Variants in LMO7 observed in about 807,000 individuals in gnomAD.
LMO7 encodes LIM domain only protein 7.
In LMO7, 120 loss-of-function variants were observed where a neutral mutation model predicts 206.5. The observed-to-expected ratio is 0.58, with a 90% CI of 0.50 to 0.68. The LOEUF (loss-of-function observed/expected upper bound fraction) is 0.68, where lower values mean the gene tolerates loss of function less well. LMO7 is among the 30% of genes least tolerant of loss of function. The pLI is 0.00. For missense variants in LMO7, 1,959 were observed against 1,957.9 expected, an observed-to-expected ratio of 1.00 and a Z score of -0.01; for synonymous variants, 706 against 681.5, an observed-to-expected ratio of 1.04 and a Z score of -0.56.
At chr13:75,776,538 T>A (rs1031166237) in intron 4 of LMO7, among the ~76,000 whole-genome samples, 5 of 152,146 alleles carry the variant, frequency 3.3e-5, no homozygotes, top group Admixed American at 2.0e-4. Context: ...ACATACCCAT[T>A]TTTTGCTACC....
At chr13:75,734,635 T>C (rs958220588) in intron 3 of LMO7, among the ~76,000 whole-genome samples, 5 of 152,218 alleles carry the variant, frequency 3.3e-5, no homozygotes, top group Admixed American at 1.3e-4. Context: ...TCAGAAAATA[T>C]CTGTCTAGGA....
At chr13:75,667,698 G>C (rs376934199) in intron 1 of LMO7, among the ~76,000 whole-genome samples, 2 of 152,118 alleles carry the variant, frequency 1.3e-5, no homozygotes, top group African/African-American at 4.8e-5. Flanking sequence ...CTAGATATTG[G>C]AATGATAGCT....
intron 3 of LMO7, among the ~76,000 whole-genome samples, chr13:75,734,216 A>G (rs1393039156): frequency 6.6e-6 from 1 of 152,182 alleles, no homozygotes; most frequent in Non-Finnish European, 1.5e-5. Flanking sequence ...AATATACCCC[A>G]CACTGTCCCA....
At chr13:75,663,440 T>TTCTTTCTTTC (rs1278909497) in intron 1 of LMO7, among the ~76,000 whole-genome samples, 28 of 56,462 alleles carry the variant, frequency 5.0e-4, no homozygotes, top group African/African-American at 9.5e-4. Flanking sequence ...TTCTTTTTTT[T>TTCTTTCTTTC]TTTTTTTTGA....
intron 3 of LMO7, among the ~76,000 whole-genome samples, chr13:75,730,187 A>G (rs902562925): frequency 6.6e-6 from 1 of 152,146 alleles, no homozygotes; most frequent in African/African-American, 2.4e-5. Context: ...TGATTGGAAT[A>G]GTTTCAGAAG....
Position 75,727,082 on chromosome 13 carries a change from C to A in LMO7, c.194C>A (p.Thr65Lys). 2 of 1,582,026 alleles carry A rather than the reference C, an allele frequency of 1.3e-6. No homozygotes were observed. Among genetic ancestry groups the A allele is most frequent in the Non-Finnish European group, 1.7e-6 (2 of 1,152,564 alleles). Residue 65 changes from threonine to lysine, a missense_variant, in exon 3 of 31, where the codon ACA (threonine) becomes AAA (lysine). Thr to Lys is a moderately conservative substitution (Grantham distance 78, BLOSUM62 -1). Transcript: ENST00000377534. ...ATTAAGAAGATCAATAGACTGTCTA[C>A]ACCAATAGCAGGATTGGTAAGTAGT... The part of the protein sequence containing the change: ...GVIKKINRLS[T>K]PIAGLDNINV...
chr13:75,652,253 CA>C (rs1442088836), intron 1 of LMO7, among the ~76,000 whole-genome samples: 1 of 151,872 alleles, frequency 6.6e-6, no homozygotes, highest in Non-Finnish European at 1.5e-5. Flanking sequence ...GATCCTTGTC[CA>C]ACTGCTTTCT....
intron 1 of LMO7, among the ~76,000 whole-genome samples, chr13:75,701,262 T>A (rs1385768949): frequency 2.0e-5 from 3 of 152,220 alleles, no homozygotes. Context: ...AATTCTTGTG[T>A]AACTGGGCGT....
chr13:75,744,163 A>C (rs1282904218), intron 3 of LMO7, among the ~76,000 whole-genome samples: 1 of 152,190 alleles, frequency 6.6e-6, no homozygotes, highest in Non-Finnish European at 1.5e-5. Flanking sequence ...GTCTGCCTCT[A>C]TCTCTTCCAT....
intron 1 of LMO7, among the ~76,000 whole-genome samples, chr13:75,649,932 T>A (rs1011085221): frequency 2.0e-5 from 3 of 152,166 alleles, no homozygotes; most frequent in Admixed American, 1.3e-4. Flanking sequence ...CCTTTCAAAA[T>A]AGGGGAAAAT....
intron 4 of LMO7, among the ~76,000 whole-genome samples, chr13:75,772,516 A>G (rs1297428259): frequency 1.3e-5 from 2 of 152,112 alleles, no homozygotes; most frequent in South Asian, 2.1e-4. Context: ...GACTGAGTTT[A>G]CAGGTATGGA....
intron 1 of LMO7, among the ~76,000 whole-genome samples, chr13:75,685,030 T>C (rs1028503564): frequency 6.6e-6 from 1 of 152,212 alleles, no homozygotes; most frequent in Non-Finnish European, 1.5e-5. Flanking sequence ...CGCCTATCTT[T>C]AGCTATTCAG....
chr13:75,704,539 T>G (rs1351630038), intron 1 of LMO7, among the ~76,000 whole-genome samples: 1 of 152,214 alleles, frequency 6.6e-6, no homozygotes, highest in Non-Finnish European at 1.5e-5. Flanking sequence ...TTTTTCTTTT[T>G]GCACAGGGGT....
At chr13:75,662,168 TAATG>T (rs1342798861) in intron 1 of LMO7, among the ~76,000 whole-genome samples, 3 of 152,230 alleles carry the variant, frequency 2.0e-5, no homozygotes, top group African/African-American at 2.4e-5. Flanking sequence ...TCAAAATTCT[TAATG>T]AAAGCTATGG....
chr13:75,671,994 T>A (rs942638122), intron 1 of LMO7, among the ~76,000 whole-genome samples: 3 of 152,176 alleles, frequency 2.0e-5, no homozygotes, highest in Admixed American at 2.0e-4. Flanking sequence ...CATACATTGC[T>A]TAATTTTTAA....
At chr13:75,792,958 G>C (rs532152859) in intron 4 of LMO7, among the ~76,000 whole-genome samples, 6 of 152,290 alleles carry the variant, frequency 3.9e-5, no homozygotes, top group Middle Eastern at 3.4e-3. Context: ...ATGATAAAAA[G>C]TGAAAACAAA....
In LMO7 at chr13:75,675,058, T is replaced by C. The variant is rs573010411; in HGVS notation, c.70-38124T>C. Among the ~76,000 whole-genome samples, 5 of 151,408 alleles carry C rather than the reference T, an allele frequency of 3.3e-5. No homozygotes were observed. The South Asian group carries it at 1.0e-3, about 32-fold the overall frequency. ...AAATTATAACAGAAGAATGTCACAA[T>C]ATATTTCTTTTTCTTTTCTTTTTTC... On this transcript the variant is annotated intron_variant, in intron 1 of 30. Transcript: ENST00000377534.
chr13:75,623,355 G>A lies in LMO7; in HGVS notation c.225+35G>A, dbSNP rs190242627. On this transcript the variant is annotated intron_variant, in intron 2 of 29. Coordinates refer to the LMO7 transcript ENST00000341547. ...TTCTGTATTTTCTAAGGCAGAATCA[G>A]AAAGGCCAAAGCATTTTTTTCTTTT... is the stretch of plus-strand genomic sequence containing the variant. 9 of 1,154,674 alleles carry A rather than the reference G, an allele frequency of 7.8e-6. No homozygotes were observed. In the East Asian group the frequency reaches 1.9e-4, roughly 24 times the overall value. The allele number at this position is 1,154,674 out of a possible 1,614,324, so 71.5% of individuals were successfully genotyped here.
intron 6 of LMO7, among the ~76,000 whole-genome samples, chr13:75,799,541 C>T (rs773376976): frequency 6.6e-6 from 1 of 152,092 alleles, no homozygotes; most frequent in Non-Finnish European, 1.5e-5. Context: ...CAGATATTCC[C>T]CATTATCTAA....
Sources: gnomAD v4.1 joint callset for allele counts (sites outside exome capture counted in the v4.1 genomes callset) on GRCh38, gnomAD v4.1.1 for gene constraint, MANE v1.5 for transcripts, NCBI Gene and HGNC (gene_info 2026-07-23, HGNC 2026-07-21) for gene names.